GAL3ST1: variants seen among roughly 807,000 people sequenced by gnomAD.
GAL3ST1 encodes the protein galactose-3-O-sulfotransferase 1.
Under a neutral mutation model 25.0 loss-of-function variants are expected in GAL3ST1, and 13 were observed. The ratio of observed to expected loss-of-function variants is 0.52; its 90% CI spans 0.34 to 0.83. GAL3ST1 has a LOEUF of 0.83. Among genes scored for constraint, GAL3ST1 ranks in the 40% least tolerant of loss-of-function variants. GAL3ST1 has a pLI of 0.02. For missense variants in GAL3ST1, 474 were observed against 613.6 expected (o/e 0.77, Z 2.40); for synonymous variants, 274 against 277.8 (o/e 0.99, Z 0.14).
rs1383968592 is a variant in GAL3ST1 at position 30,555,927 on chromosome 22, G to A, written c.298C>T (p.Gln100Ter). The change falls in exon 4 of 4, where the codon CAG (glutamine) becomes TAG (stop). Residue 100 changes from glutamine to a stop codon, truncating the protein, a stop_gained. Coordinates refer to ENST00000406361, the MANE Select transcript of GAL3ST1 (RefSeq NM_001318104.2). LOFTEE classifies it high-confidence loss of function. The surrounding 1 kb of genome is among the most constrained non-coding windows in gnomAD (Gnocchi z 8.6). ...TLLNILFRFG[Q>*]KHRLKFAFPN... ...AAGGCGAACTTGAGCCGGTGCTTCT[G>A]GCCGAAGCGGAACAGGATGTTGAGC... is the stretch of plus-strand genomic sequence containing the variant. The A allele has an allele frequency of 6.2e-7, 1 of 1,614,178 alleles. No individual in the cohort carries two copies. The highest frequency in any genetic ancestry group is 1.1e-5 in the South Asian group (1 of 91,086).
chr22:30,559,727 C>G (rs1472041790), intron 1 of GAL3ST1, among the ~76,000 whole-genome samples: 3 of 152,192 alleles, frequency 2.0e-5, no homozygotes, highest in Admixed American at 2.0e-4. Flanking sequence ...GCAACCCTAT[C>G]AGCAGGGGAC....
chr22:30,567,958 C>G (rs771878684), intron 1 of GAL3ST1, among the ~76,000 whole-genome samples: 67 of 152,324 alleles, frequency 4.4e-4, no homozygotes, highest in Admixed American at 1.4e-3. Flanking sequence ...GCTGGGATTA[C>G]AGACGTGAGC....
Position 30,555,814 on chromosome 22 carries a change from G to A in GAL3ST1, c.411C>T (p.Ile137=). The A allele has an allele frequency of 6.2e-7, 1 of 1,614,192 alleles. No homozygotes were observed. Among genetic ancestry groups the A allele is most frequent in the Non-Finnish European group, 8.5e-7 (1 of 1,180,044 alleles). Residue 137 remains isoleucine (I), a synonymous_variant, in exon 4 of 4, where the codon ATC becomes ATT. Coordinates refer to ENST00000406361, the MANE Select transcript of GAL3ST1 (RefSeq NM_001318104.2). This position sits in a 1 kb window ranked among gnomAD's most constrained non-coding sequence, Gnocchi z 8.6. Reference sequence around the variant, plus strand: ...AGTGGAAGCGCATGTGGTTGCAGATGATGTTGAAGCAGGCCCCGGGCCGAT... The same window carrying A: ...AGTGGAAGCGCATGTGGTTGCAGATAATGTTGAAGCAGGCCCCGGGCCGAT... ...QDYRPGACFN[I]ICNHMRFHYD...
chr22:30,571,251 G>A (rs546188126), intron 1 of GAL3ST1, among the ~76,000 whole-genome samples: 1 of 152,124 alleles, frequency 6.6e-6, no homozygotes, highest in Non-Finnish European at 1.5e-5. Context: ...GGATGGGATA[G>A]GTTAACCCTC....
At chr22:30,568,474 T>C (rs921938147) in intron 1 of GAL3ST1, among the ~76,000 whole-genome samples, 2 of 152,180 alleles carry the variant, frequency 1.3e-5, no homozygotes, top group African/African-American at 4.8e-5. Flanking sequence ...GATCTGGGCA[T>C]GGGCGGAGCT....
intron 2 of GAL3ST1, among the ~76,000 whole-genome samples, chr22:30,557,967 A>T (rs1005884130): frequency 2.6e-4 from 39 of 151,760 alleles, no homozygotes; most frequent in African/African-American, 2.9e-4. Context: ...TAATTTTTTT[A>T]AAAATAGAGA....
chr22:30,568,933 G>A lies in GAL3ST1; in HGVS notation c.-120+5533C>T, dbSNP rs559251617. Among the ~76,000 whole-genome samples, 9 of 152,170 alleles carry A rather than the reference G, an allele frequency of 5.9e-5. No individual in the cohort carries two copies. The East Asian group carries it at 1.2e-3, about 20-fold the overall frequency. ...TGTACTAAAAATACAGAAATTAGCC[G>A]GGCGTGATGGCAGGCGCATGTAATA... On this transcript the variant is annotated intron_variant, in intron 1 of 3. Coordinates refer to ENST00000406361, the MANE Select transcript of GAL3ST1 (RefSeq NM_001318104.2).
chr22:30,563,787 G>A (rs555201269), intron 1 of GAL3ST1, among the ~76,000 whole-genome samples: 49 of 150,918 alleles, frequency 3.2e-4, no homozygotes, highest in African/African-American at 1.1e-3. Flanking sequence ...TTGGTGGCAG[G>A]CACCTGTAGT....
chr22:30,569,035 C>A (rs2086705453), intron 1 of GAL3ST1, among the ~76,000 whole-genome samples: 1 of 147,372 alleles, frequency 6.8e-6, no homozygotes, highest in African/African-American at 2.5e-5. Context: ...GAGATCGCGC[C>A]ACTGCACTCC....
Position 30,554,827 on chromosome 22 carries a change from G to GC in GAL3ST1, c.*125dup, listed in dbSNP as rs897425126. The GC allele has an allele frequency of 3.6e-5, 25 of 691,874 alleles. No individual in the cohort carries two copies. The highest frequency in any genetic ancestry group is 4.0e-4 in the Middle Eastern group (1 of 2,484). The allele number at this position is 691,874 out of a possible 1,614,324, so 42.9% of individuals were successfully genotyped here. A position where few individuals can be genotyped will look rare whatever the true frequency, so the allele number is the denominator to read the frequency against. On this transcript the variant is annotated 3_prime_UTR_variant, in exon 4 of 4. Coordinates refer to ENST00000406361, the MANE Select transcript of GAL3ST1 (RefSeq NM_001318104.2). ...TTGGCTGGCTGCCTCCCCCCAGGGA[G>GC]CCCCCCCTCACCCCGGGGTCTGAGG... is the stretch of plus-strand genomic sequence containing the variant.
At chr22:30,560,492 C>T (rs553865822) in intron 1 of GAL3ST1, 1 of 152,218 alleles carries the variant, frequency 6.6e-6, no homozygotes, top group African/African-American at 2.4e-5. Context: ...GGGGGCCTGC[C>T]TTCAACCCCA....
At chr22:30,570,627 C>A (rs2086752388) in intron 1 of GAL3ST1, among the ~76,000 whole-genome samples, 1 of 152,160 alleles carries the variant, frequency 6.6e-6, no homozygotes, top group Non-Finnish European at 1.5e-5. Context: ...GAAACCCCAT[C>A]TCTACTAAAA....
chr22:30,562,113 C>G (rs146055011), intron 1 of GAL3ST1, among the ~76,000 whole-genome samples: 1 of 152,084 alleles, frequency 6.6e-6, no homozygotes, highest in South Asian at 2.1e-4. Context: ...TGAAGTGGCA[C>G]GATCATAGCT....
Position 30,554,664 on chromosome 22 carries a change from A to G in GAL3ST1, c.*289T>C. On this transcript the variant is annotated 3_prime_UTR_variant, in exon 4 of 4. Transcript: ENST00000406361. ...CAAAAACACAACATCAAATTCCTTT[A>G]CTTCTGAGGTCTCCCCTTTAAGGGG... 1 of 160,538 alleles carries G rather than the reference A, an allele frequency of 6.2e-6. No individual in the cohort carries two copies. The allele number at this position is 160,538 out of a possible 1,614,324, so 9.9% of individuals were successfully genotyped here.
Position 30,569,997 on chromosome 22 carries a change from C to T in GAL3ST1, c.-120+4469G>A, listed in dbSNP as rs184859392. On this transcript the variant is annotated intron_variant, in intron 1 of 3. Transcript: ENST00000406361. ...ACTCAGGAGGCTGAGGCAAGAGGAC[C>T]CCTTGAACCCAGAAGTTCAAGGTTA... Among the ~76,000 whole-genome samples, 86 of 152,210 alleles carry T rather than the reference C, an allele frequency of 5.7e-4. 2 individuals carry two copies. In the East Asian group the frequency reaches 0.013, roughly 24 times the overall value.
At chr22:30,567,369 C>T (rs947426323) in intron 1 of GAL3ST1, among the ~76,000 whole-genome samples, 12 of 152,096 alleles carry the variant, frequency 7.9e-5, no homozygotes, top group African/African-American at 2.9e-4. Flanking sequence ...AACTCCTGGG[C>T]TCAAGAGACC....
chr22:30,564,589 C>T (rs16988782), intron 1 of GAL3ST1, among the ~76,000 whole-genome samples: 5,050 of 152,298 alleles, frequency 0.033, 128 homozygotes, highest in Non-Finnish European at 0.045. Flanking sequence ...ATCACATTGG[C>T]CTGCATCAGT....
chr22:30,568,083 C>T (rs1882842404), intron 1 of GAL3ST1, among the ~76,000 whole-genome samples: 1 of 152,220 alleles, frequency 6.6e-6, no homozygotes, highest in African/African-American at 2.4e-5. Flanking sequence ...TCAGGGCTCA[C>T]AGTCCTAACT....
chr22:30,564,429 G>A (rs773260889), intron 1 of GAL3ST1, among the ~76,000 whole-genome samples: 2 of 152,186 alleles, frequency 1.3e-5, no homozygotes, highest in Non-Finnish European at 2.9e-5. Context: ...TACCTTTGGG[G>A]TAACACAGCC....
Sources: gnomAD v4.1 joint callset for allele counts (sites outside exome capture counted in the v4.1 genomes callset) on GRCh38, gnomAD v4.1.1 for gene constraint, Gnocchi (gnomAD v3.1) non-coding constraint, MANE v1.5 for transcripts, NCBI Gene and HGNC (gene_info 2026-07-23, HGNC 2026-07-21) for gene names.